Variants in ZNF248 observed in about 807,000 individuals in gnomAD.
The protein encoded by ZNF248 is KRAB protein domain.
A neutral mutation model predicts 44.3 loss-of-function variants in ZNF248; 20 were observed. The ratio of observed to expected loss-of-function variants is 0.45; its 90% CI spans 0.32 to 0.66. ZNF248 has a LOEUF of 0.66. Among genes scored for constraint, ZNF248 ranks in the 30% least tolerant of loss-of-function variants. ZNF248 has a pLI of 0.04. For missense variants in ZNF248, 654 were observed against 677.0 expected (o/e 0.97, Z 0.38); for synonymous variants, 224 against 229.0 (o/e 0.98, Z 0.20).
At chr10:37,790,121 AT>A (rs1397844275) in intron 6 of ZNF248, among the ~76,000 whole-genome samples, 15 of 143,644 alleles carry the variant, frequency 1.0e-4, no homozygotes, top group South Asian at 2.2e-4. Context: ...AAAAAAAAAA[AT>A]GAGACAGGCG....
chr10:37,809,803 G>A (rs1331567539), intron 6 of ZNF248, among the ~76,000 whole-genome samples: 1 of 151,754 alleles, frequency 6.6e-6, no homozygotes, highest in Non-Finnish European at 1.5e-5. Context: ...TTGTTTAAAG[G>A]TATATTATTT....
chr10:37,786,884 AT>A (rs1037846027), intron 6 of ZNF248, among the ~76,000 whole-genome samples: 1 of 152,052 alleles, frequency 6.6e-6, no homozygotes, highest in African/African-American at 2.4e-5. Context: ...CAAATTATTC[AT>A]TTTTTTTCCT....
In ZNF248 at chr10:37,832,182, C is replaced by A. The variant is rs1306449231; in HGVS notation, c.1173G>T (p.Glu391Asp). 1 of 1,614,060 alleles carries A rather than the reference C, an allele frequency of 6.2e-7. No individual in the cohort carries two copies. Among genetic ancestry groups the A allele is most frequent in the East Asian group, 2.2e-5 (1 of 44,882 alleles). Reference sequence around the variant, plus strand: ...TCTGATGTTGAGTGAGGTTTGACTTCTCCCAGAAGGTTTTCCCACATTCAC... The same window carrying A: ...TCTGATGTTGAGTGAGGTTTGACTTATCCCAGAAGGTTTTCCCACATTCAC... ...ECGECGKTFW[E>D]KSNLTQHQRT... is the part of the protein sequence containing the mutation. Residue 391 changes from glutamate (E) to aspartate (D), a missense_variant, in exon 6 of 6, where the codon GAG becomes GAT. Transcript: ENST00000395867.
intron 6 of ZNF248, among the ~76,000 whole-genome samples, chr10:37,790,391 G>A (rs2133054950): frequency 6.6e-6 from 1 of 152,044 alleles, no homozygotes; most frequent in South Asian, 2.1e-4. Flanking sequence ...ACCAGCCTGT[G>A]CAACATAGGG....
At chr10:37,839,396 C>A (rs1005689080) in intron 3 of ZNF248, among the ~76,000 whole-genome samples, 14 of 152,020 alleles carry the variant, frequency 9.2e-5, no homozygotes, top group African/African-American at 3.4e-4. Context: ...ACACACCTAG[C>A]ACCCTAATTT....
intron 6 of ZNF248, among the ~76,000 whole-genome samples, chr10:37,789,530 G>A (rs910200694): frequency 3.9e-5 from 6 of 152,138 alleles, no homozygotes; most frequent in African/African-American, 1.2e-4. Flanking sequence ...GTGCTTTCAA[G>A]GGACAGGGCA....
intron 6 of ZNF248, among the ~76,000 whole-genome samples, chr10:37,792,294 A>C (rs893111796): frequency 6.6e-6 from 1 of 152,226 alleles, no homozygotes; most frequent in Non-Finnish European, 1.5e-5. Flanking sequence ...CAGTGGCCAA[A>C]GCTGAAACAA....
intron 6 of ZNF248, among the ~76,000 whole-genome samples, chr10:37,812,679 T>C (rs1208698): frequency 0.06 from 9,112 of 152,066 alleles, 351 homozygotes; most frequent in Middle Eastern, 0.095. Context: ...CAGTTCAACA[T>C]CAAAGACATC....
At chr10:37,819,366 T>C (rs572907832) in intron 6 of ZNF248, 1 of 1,283,310 alleles carries the variant, frequency 7.8e-7, no homozygotes, top group East Asian at 2.3e-5. Context: ...TCCAGTTCTT[T>C]ATGAATCCAG....
chr10:37,803,711 G>C (rs1446389734), intron 6 of ZNF248: 1 of 152,458 alleles, frequency 6.6e-6, no homozygotes, highest in African/African-American at 2.4e-5. Context: ...AGGGGACAAA[G>C]TAAATTTAGT....
chr10:37,808,278 C>CTT (rs796239232), intron 6 of ZNF248, among the ~76,000 whole-genome samples: 36 of 137,592 alleles, frequency 2.6e-4, no homozygotes, highest in South Asian at 6.9e-4. Flanking sequence ...AACCTTTTTT[C>CTT]TTTTTTTTTT....
chr10:37,768,009 C>A, the ZNF248 span, among the ~76,000 whole-genome samples: 1 of 152,036 alleles, frequency 6.6e-6, no homozygotes, highest in Non-Finnish European at 1.5e-5. Context: ...TAAACCAACA[C>A]AGATCAAAAG....
chr10:37,767,711 C>T, the ZNF248 span, among the ~76,000 whole-genome samples: 54 of 152,290 alleles, frequency 3.5e-4, no homozygotes, highest in African/African-American at 1.3e-3. Flanking sequence ...GAAGAAACTG[C>T]ATCAACTAAA....
intron 6 of ZNF248, among the ~76,000 whole-genome samples, chr10:37,786,403 T>C (rs1054625470): frequency 2.6e-5 from 4 of 152,092 alleles, no homozygotes; most frequent in Non-Finnish European, 5.9e-5. Context: ...AGGGAAGTAA[T>C]GTGGAATAAC....
downstream of ZNF248, among the ~76,000 whole-genome samples, chr10:37,773,988 T>TACACAC (rs139568981): frequency 1.7e-4 from 26 of 149,254 alleles, no homozygotes; most frequent in Admixed American, 4.7e-4. Flanking sequence ...TGAAAATGAA[T>TACACAC]ACACACACAC....
chr10:37,830,517 G>A lies in ZNF248; in HGVS notation c.*1098C>T, dbSNP rs2055338774. 17 of 985,306 alleles carry A rather than the reference G, an allele frequency of 1.7e-5. No individual in the cohort carries two copies. Among genetic ancestry groups the A allele is most frequent in the Admixed American group, 1.2e-4 (2 of 16,256 alleles). The allele number at this position is 985,306 out of a possible 1,614,324, so 61.0% of individuals were successfully genotyped here. ...TATTTTTGGCTTCTTTCTTGAAGAC[G>A]TGGTTCAGCTGTAAATGGCCATAGC... On this transcript the variant is annotated 3_prime_UTR_variant, in exon 6 of 6. Coordinates refer to ENST00000395867, the MANE Select transcript of ZNF248 (RefSeq NM_021045.3).
At chr10:37,776,024 C>G (rs1223720725), downstream of ZNF248, among the ~76,000 whole-genome samples, 2 of 152,174 alleles carry the variant, frequency 1.3e-5, no homozygotes, top group Non-Finnish European at 2.9e-5. Flanking sequence ...CAGACACAGA[C>G]ACCCCTACTC....
At chr10:37,791,305 G>A (rs2048526573) in intron 6 of ZNF248, among the ~76,000 whole-genome samples, 1 of 151,976 alleles carries the variant, frequency 6.6e-6, no homozygotes, top group Admixed American at 6.6e-5. Context: ...GCCTCCCAAA[G>A]TGCTGGGATT....
chr10:37,852,191 G>A (rs569639210), intron 3 of ZNF248, among the ~76,000 whole-genome samples: 64 of 151,854 alleles, frequency 4.2e-4, no homozygotes, highest in African/African-American at 1.4e-3. Context: ...AGATTGCAGT[G>A]AGCCGAGATC....
Sources: allele counts gnomAD v4.1 joint callset (sites outside exome capture counted in the v4.1 genomes callset), GRCh38; gene constraint gnomAD v4.1.1; transcripts MANE v1.5; gene names NCBI Gene and HGNC (gene_info 2026-07-23, HGNC 2026-07-21).